The following GLS variants were observed in gnomAD, a reference collection of about 807,000 sequenced individuals.
The protein encoded by GLS is glutaminase, also known as glutaminase kidney isoform, mitochondrial.
A neutral mutation model predicts 86.7 loss-of-function variants in GLS; 36 were observed. That is an observed-to-expected ratio of 0.42 (90% CI 0.32 to 0.55). The LOEUF is 0.55. GLS is among the 20% of genes least tolerant of loss of function. The pLI, the probability that GLS is intolerant of heterozygous loss-of-function variation, is 0.17. For missense variants in GLS, 528 were observed against 833.4 expected, an observed-to-expected ratio of 0.63 and a Z score of 4.51; for synonymous variants, 317 against 305.9, an observed-to-expected ratio of 1.04 and a Z score of -0.38.
rs901251333 is a variant in GLS at position 190,924,068 on chromosome 2, C to T, written c.1197+85C>T. 1.9e-5 allele frequency: 14 copies of T among 729,688 alleles called. No individual in the cohort carries two copies. The highest frequency in any genetic ancestry group is 3.6e-5 in the African/African-American group (2 of 55,148). 45.2% of individuals were successfully genotyped at this position (729,688 alleles called of 1,614,324 possible). ...TGTATGCTAAGAATTCAACAATAGCCTTTAAGCAACTACCTATTACTATTT... is the reference window on the plus strand; with the variant it reads ...TGTATGCTAAGAATTCAACAATAGCTTTTAAGCAACTACCTATTACTATTT... On this transcript the variant is annotated intron_variant, in intron 10 of 17. Coordinates refer to ENST00000320717, the MANE Select transcript of GLS (RefSeq NM_014905.5). The surrounding 1 kb of genome is among the most constrained non-coding windows in gnomAD (Gnocchi z 5.2).
At chr2:190,882,601 A>G (rs1442296117) in intron 1 of GLS, among the ~76,000 whole-genome samples, 6 of 152,202 alleles carry the variant, frequency 3.9e-5, no homozygotes, top group African/African-American at 7.2e-5. Context: ...TATAATTTCA[A>G]TCTCACGCCT....
chr2:190,910,116 C>T (rs2124867038), intron 6 of GLS, 147 bp from the exon 7 acceptor site: 2 of 533,878 alleles, frequency 3.7e-6, no homozygotes, highest in Non-Finnish European at 6.7e-6. Flanking sequence ...TGTGTATGTG[C>T]TTGTATATAA....
chr2:190,930,646 C>A lies in GLS; in HGVS notation c.1557+78C>A. 1 of 1,376,014 alleles carries A rather than the reference C, an allele frequency of 7.3e-7. No homozygotes were observed. Among genetic ancestry groups the A allele is most frequent in the South Asian group, 1.3e-5 (1 of 74,856 alleles). The allele number at this position is 1,376,014 out of a possible 1,614,324, so 85.2% of individuals were successfully genotyped here. ...TGATTCTTTTTTTTAACCCATTTTC[C>A]ATAGTTCATTAACTCTTGGCCCTCC... On this transcript the variant is annotated intron_variant, in intron 13 of 17. Coordinates refer to ENST00000320717, the MANE Select transcript of GLS (RefSeq NM_014905.5). This position sits in a 1 kb window ranked among gnomAD's most constrained non-coding sequence, Gnocchi z 5.0.
chr2:190,893,598 T>C (rs987986135), intron 1 of GLS, among the ~76,000 whole-genome samples: 1 of 152,210 alleles, frequency 6.6e-6, no homozygotes, highest in Admixed American at 6.5e-5. Flanking sequence ...AAATGTATTT[T>C]TTTTGGAGAC....
intron 14 of GLS, among the ~76,000 whole-genome samples, chr2:190,946,084 A>AT (rs539766733): frequency 2.0e-4 from 30 of 151,648 alleles, no homozygotes; most frequent in Admixed American, 1.6e-3. Flanking sequence ...AAGTAGTATA[A>AT]TTTTTTTTTA....
intron 7 of GLS, among the ~76,000 whole-genome samples, chr2:190,918,354 GCTT>G (rs1228809109): frequency 6.6e-6 from 1 of 152,126 alleles, no homozygotes; most frequent in Non-Finnish European, 1.5e-5. Flanking sequence ...TATGGAGACG[GCTT>G]CTTTCCTTAA....
chr2:190,927,144 C>G, intron 11 of GLS, 162 bp from the exon 12 acceptor site: 1 of 593,368 alleles, frequency 1.7e-6, no homozygotes, highest in Non-Finnish European at 2.8e-6. Flanking sequence ...GGTAGGACTT[C>G]GGTCAACTAA....
In GLS at chr2:190,953,675, T is replaced by C. The variant is rs774177985; in HGVS notation, c.1712+49T>C. 3 of 1,289,614 alleles carry C rather than the reference T, an allele frequency of 2.3e-6. No individual in the cohort carries two copies. The highest frequency in any genetic ancestry group is 1.2e-5 in the South Asian group (1 of 81,866). The allele number at this position is 1,289,614 out of a possible 1,614,324, so 79.9% of individuals were successfully genotyped here. A position where few individuals can be genotyped will look rare whatever the true frequency, so the allele number is the denominator to read the frequency against. On this transcript the variant is annotated intron_variant, in intron 15 of 17. Transcript: ENST00000320717. This position sits in a 1 kb window ranked among gnomAD's most constrained non-coding sequence, Gnocchi z 4.0. The stretch of plus-strand genomic sequence containing the variant: ...ATGCACTTTACAGATATTTATGAAG[T>C]TGCTTCTGGGCGAGCAGCCATTTTA...
Position 190,905,561 on chromosome 2 carries a change from A to G in GLS, c.979+394A>G, listed in dbSNP as rs987895399. ...TATATTATTCTATCTATTATATTGT[A>G]TATAGTAGTTGAAAGTTTTATTGTG... On this transcript the variant is annotated intron_variant, in intron 6 of 17. Transcript: ENST00000320717. The surrounding 1 kb of genome is among the most constrained non-coding windows in gnomAD (Gnocchi z 4.6). Among the ~76,000 whole-genome samples the G allele has an allele frequency of 2.0e-5, 3 of 152,112 alleles. No homozygotes were observed. Among genetic ancestry groups the G allele is most frequent in the Non-Finnish European group, 2.9e-5 (2 of 67,954 alleles).
In GLS at chr2:190,920,630, A is replaced by G. The variant is rs982036817; in HGVS notation, c.1039-394A>G. ...ATTGTTCTTAATTGAAATATTTTAT[A>G]TATACTTAATTCTTTTCGAAGGGTG... is the stretch of plus-strand genomic sequence containing the variant. On this transcript the variant is annotated intron_variant, in intron 7 of 17. Transcript: ENST00000320717. This position sits in a 1 kb window ranked among gnomAD's most constrained non-coding sequence, Gnocchi z 4.2. Among the ~76,000 whole-genome samples the G allele has an allele frequency of 2.0e-5, 3 of 151,752 alleles. No homozygotes were observed. Among genetic ancestry groups the G allele is most frequent in the Non-Finnish European group, 3.0e-5 (2 of 67,752 alleles).
chr2:190,896,797 C>T (rs1688757772), intron 3 of GLS, among the ~76,000 whole-genome samples: 1 of 152,118 alleles, frequency 6.6e-6, no homozygotes. Flanking sequence ...TTTTGACTTC[C>T]AGAACCTGCT....
rs1688799402 is a variant in GLS, at chr2:190,897,851, T to C, written c.605+2126T>C. 6.6e-6 allele frequency among the ~76,000 whole-genome samples: 1 copy of C among 152,210 alleles called. No individual in the cohort carries two copies. Among genetic ancestry groups the C allele is most frequent in the African/African-American group, 2.4e-5 (1 of 41,448 alleles). ...TTAATATTTTACCTAAAATACATTG[T>C]AGATTAATATTTTTAGACTTTTTCG... On this transcript the variant is annotated intron_variant, in intron 3 of 17. Coordinates refer to ENST00000320717, the MANE Select transcript of GLS (RefSeq NM_014905.5). The surrounding 1 kb of genome is among the most constrained non-coding windows in gnomAD (Gnocchi z 4.3).
At chr2:190,952,694 T>C (rs952244613) in intron 14 of GLS, among the ~76,000 whole-genome samples, 8 of 152,166 alleles carry the variant, frequency 5.3e-5, no homozygotes, top group Non-Finnish European at 7.3e-5. Flanking sequence ...GAGTCCAGTA[T>C]CAGTTGAGTC....
rs561053216 is a variant in GLS, at chr2:190,881,079, G to T, written c.-6G>T. The T allele has an allele frequency of 1.3e-6, 2 of 1,554,716 alleles. No individual in the cohort carries two copies. The highest frequency in any genetic ancestry group is 2.4e-5 in the East Asian group (1 of 41,804). On this transcript the variant is annotated 5_prime_UTR_variant, in exon 1 of 18. Coordinates refer to ENST00000320717, the MANE Select transcript of GLS (RefSeq NM_014905.5). Reference sequence around the variant, plus strand: ...CTGTTGAGCGGGCGCTGACGGACCCGGCGGCATGATGCGGCTGCGAGGCTC... The same window carrying T: ...CTGTTGAGCGGGCGCTGACGGACCCTGCGGCATGATGCGGCTGCGAGGCTC...
intron 7 of GLS, chr2:190,919,667 C>G (rs1269004501): frequency 1.2e-6 from 1 of 866,952 alleles, no homozygotes; most frequent in Non-Finnish European, 1.4e-6. Flanking sequence ...TGCAACAGTT[C>G]AATGAAGTTG....
In GLS at chr2:190,951,298, G is replaced by A. The variant is rs911738201; in HGVS notation, c.1651-2267G>A. ...TAGGAAGCTGCTGGAGCTTTGGAGA[G>A]CGCTGTTTAGAGGTAACAATGAGTG... On this transcript the variant is annotated intron_variant, in intron 14 of 17. Transcript: ENST00000320717. This position sits in a 1 kb window ranked among gnomAD's most constrained non-coding sequence, Gnocchi z 4.2. Among the ~76,000 whole-genome samples, 1 of 152,148 alleles carries A rather than the reference G, an allele frequency of 6.6e-6. No homozygotes were observed. The highest frequency in any genetic ancestry group is 2.4e-5 in the African/African-American group (1 of 41,430).
At chr2:190,892,007 A>G (rs1412348218) in intron 1 of GLS, among the ~76,000 whole-genome samples, 2 of 152,154 alleles carry the variant, frequency 1.3e-5, no homozygotes, top group African/African-American at 4.8e-5. Context: ...GCTTGACCTT[A>G]TTAGACCACA....
rs987571483 is a variant in GLS, at chr2:190,935,146, A to G, written c.1650+3509A>G. ...GTTCTTGAAGTACTTTGTTTTTAGC[A>G]TAAATGTTGTGCATTTTATCTTAGT... is the stretch of plus-strand genomic sequence containing the variant. On this transcript the variant is annotated intron_variant, in intron 14 of 17. Transcript: ENST00000320717. This position sits in a 1 kb window ranked among gnomAD's most constrained non-coding sequence, Gnocchi z 4.2. The G allele has an allele frequency of 2.2e-6, 2 of 927,890 alleles. No individual in the cohort carries two copies. Among genetic ancestry groups the G allele is most frequent in the African/African-American group, 3.6e-5 (2 of 56,028 alleles). The allele number at this position is 927,890 out of a possible 1,614,324, so 57.5% of individuals were successfully genotyped here.
At chr2:190,900,481 A>G (rs1688901527) in intron 3 of GLS, 83 bp from the exon 4 acceptor site, 2 of 622,342 alleles carry the variant, frequency 3.2e-6, no homozygotes, top group Non-Finnish European at 5.3e-6. Context: ...TTATTTAAAT[A>G]GTGTCCTAAT....
Sources: allele counts gnomAD v4.1 joint callset (sites outside exome capture counted in the v4.1 genomes callset), GRCh38; gene constraint gnomAD v4.1.1; non-coding constraint Gnocchi (gnomAD v3.1); transcripts MANE v1.5; gene names NCBI Gene and HGNC (gene_info 2026-07-23, HGNC 2026-07-21).